MAGI2: variants seen among roughly 807,000 people sequenced by gnomAD.
MAGI2 encodes the protein membrane-associated guanylate kinase, WW and PDZ domain-containing protein 2.
A neutral mutation model predicts 133.3 loss-of-function variants in MAGI2; 35 were observed. That is an observed-to-expected ratio of 0.26 (90% confidence interval 0.20 to 0.35). The LOEUF is 0.35. Among genes scored for constraint, MAGI2 ranks in the 10% least tolerant of loss-of-function variants. The probability of loss-of-function intolerance (pLI) is 1.00; values close to 1 mark genes in which losing one functional copy is unlikely to be tolerated. For synonymous variants in MAGI2, 729 were observed against 710.6 expected, an observed-to-expected ratio of 1.03 and a Z score of -0.41; for missense variants, 1,636 against 1,863.4, an observed-to-expected ratio of 0.88 and a Z score of 2.25.
chr7:79,372,861 T>C (rs534530840), intron 1 of MAGI2, among the ~76,000 whole-genome samples: 2 of 152,210 alleles, frequency 1.3e-5, no homozygotes, highest in African/African-American at 4.8e-5. Context: ...TCTCTAAATA[T>C]ATTTGAAGTC....
intron 21 of MAGI2, among the ~76,000 whole-genome samples, chr7:78,076,172 C>G (rs1357112879): frequency 6.6e-6 from 1 of 152,100 alleles, no homozygotes; most frequent in Non-Finnish European, 1.5e-5. Context: ...AAAAGCGTGC[C>G]CAGGCTGGGT....
chr7:78,021,455 G>A (rs1312934765), intron 21 of MAGI2, among the ~76,000 whole-genome samples: 1 of 152,196 alleles, frequency 6.6e-6, no homozygotes, highest in Non-Finnish European at 1.5e-5. Flanking sequence ...GAGGCTGTCA[G>A]TGATACTTGT....
intron 2 of MAGI2, among the ~76,000 whole-genome samples, chr7:78,883,924 T>C (rs936777526): frequency 6.6e-6 from 1 of 152,132 alleles, no homozygotes; most frequent in Admixed American, 6.5e-5. Flanking sequence ...CTAGGAAATA[T>C]CATTTTGGAT....
chr7:78,651,075 T>G (rs1811509774), intron 2 of MAGI2, among the ~76,000 whole-genome samples: 1 of 152,166 alleles, frequency 6.6e-6, no homozygotes, highest in African/African-American at 2.4e-5. Flanking sequence ...CCTTGAAGAT[T>G]CTTAGTAGTG....
intron 18 of MAGI2, among the ~76,000 whole-genome samples, chr7:78,130,679 C>CACTT (rs1347747889): frequency 1.3e-5 from 2 of 152,174 alleles, no homozygotes; most frequent in Non-Finnish European, 2.9e-5. Flanking sequence ...TTGGAGTGGG[C>CACTT]ACTTCCTGGG....
intron 1 of MAGI2, among the ~76,000 whole-genome samples, chr7:79,292,460 AAAAAAAAT>A (rs1010000554): frequency 3.3e-5 from 5 of 150,914 alleles, no homozygotes; most frequent in Admixed American, 3.3e-4. Flanking sequence ...TGTCTCTACC[AAAAAAAAT>A]AAAAAAATAA....
At chr7:78,535,319 G>A (rs1388830745) in intron 3 of MAGI2, among the ~76,000 whole-genome samples, 2 of 152,122 alleles carry the variant, frequency 1.3e-5, no homozygotes, top group African/African-American at 4.8e-5. Context: ...AATAGGGTTT[G>A]TTAAAGATTT....
intron 20 of MAGI2, among the ~76,000 whole-genome samples, chr7:78,123,341 C>T (rs534085683): frequency 6.6e-6 from 1 of 152,222 alleles, no homozygotes; most frequent in African/African-American, 2.4e-5. Context: ...CCAGCGGATG[C>T]CTGAAATCAC....
At chr7:79,416,108 A>G (rs574359100) in intron 1 of MAGI2, among the ~76,000 whole-genome samples, 1 of 152,250 alleles carries the variant, frequency 6.6e-6, no homozygotes, top group Non-Finnish European at 1.5e-5. Flanking sequence ...ATGAGAAAGA[A>G]TCAAGTTGCT....
At chr7:79,310,157 C>A in intron 1 of MAGI2, among the ~76,000 whole-genome samples, 2 of 37,526 alleles carry the variant, frequency 5.3e-5, no homozygotes, top group African/African-American at 2.0e-4. Context: ...GAGGAGAGTC[C>A]ATCTCAAAAA....
At chr7:78,346,630 GA>G (rs1265425691) in intron 7 of MAGI2, among the ~76,000 whole-genome samples, 1 of 152,202 alleles carries the variant, frequency 6.6e-6, no homozygotes, top group Non-Finnish European at 1.5e-5. Flanking sequence ...TACATGGTGA[GA>G]GGGCAAATTT....
At chr7:78,386,401 A>C (rs1024080186) in intron 6 of MAGI2, among the ~76,000 whole-genome samples, 3 of 152,270 alleles carry the variant, frequency 2.0e-5, no homozygotes, top group African/African-American at 4.8e-5. Flanking sequence ...GAATCTGCAA[A>C]ATATAAAGGG....
intron 1 of MAGI2, among the ~76,000 whole-genome samples, chr7:79,064,224 C>T (rs1033267121): frequency 1.3e-5 from 2 of 151,994 alleles, no homozygotes; most frequent in African/African-American, 4.8e-5. Flanking sequence ...TGGTAAAACA[C>T]TAGATCTTCA....
intron 1 of MAGI2, among the ~76,000 whole-genome samples, chr7:79,264,880 A>C (rs911744131): frequency 5.3e-5 from 8 of 151,746 alleles, no homozygotes; most frequent in East Asian, 3.9e-4. Context: ...AGAGAGAGAG[A>C]GCGCACGAGC....
At chr7:79,074,643 A>G (rs772054945) in intron 1 of MAGI2, among the ~76,000 whole-genome samples, 4 of 152,224 alleles carry the variant, frequency 2.6e-5, no homozygotes, top group Non-Finnish European at 5.9e-5. Flanking sequence ...ATATTTGTCA[A>G]CTGAAGCATG....
intron 2 of MAGI2, among the ~76,000 whole-genome samples, chr7:78,628,294 A>G (rs75555967): frequency 1.3e-4 from 8 of 62,250 alleles, no homozygotes; most frequent in African/African-American, 4.9e-4. Flanking sequence ...ATGCAAAGAA[A>G]TATATAGAAG....
At chr7:78,222,563 G>C (rs1286747077) in intron 10 of MAGI2, among the ~76,000 whole-genome samples, 1 of 152,124 alleles carries the variant, frequency 6.6e-6, no homozygotes, top group Non-Finnish European at 1.5e-5. Flanking sequence ...GGCAGAGCTA[G>C]GATTTTAAAA....
At chr7:78,636,903 C>T (rs1809721061) in intron 2 of MAGI2, among the ~76,000 whole-genome samples, 1 of 152,190 alleles carries the variant, frequency 6.6e-6, no homozygotes, top group Non-Finnish European at 1.5e-5. Flanking sequence ...AGCTGGTTCT[C>T]ACTCCCCAGA....
intron 3 of MAGI2, among the ~76,000 whole-genome samples, chr7:78,587,262 C>T (rs1322722225): frequency 3.9e-5 from 6 of 152,114 alleles, no homozygotes; most frequent in Non-Finnish European, 8.8e-5. Context: ...CTTATCCCCC[C>T]TTTTTTTCTC....
Sources: allele counts gnomAD v4.1 joint callset (sites outside exome capture counted in the v4.1 genomes callset), GRCh38; gene constraint gnomAD v4.1.1; transcripts MANE v1.5; gene names NCBI Gene and HGNC (gene_info 2026-07-23, HGNC 2026-07-21).